Variants in FUT9 observed in about 807,000 individuals in gnomAD.
The protein encoded by FUT9 is fucosyltransferase 9.
In FUT9, 15 loss-of-function variants were observed where a neutral mutation model predicts 29.7. The observed-to-expected ratio is 0.51, with a 90% CI of 0.34 to 0.78. The LOEUF (loss-of-function observed/expected upper bound fraction) is 0.78. FUT9 is among the 30% of genes least tolerant of loss of function. The probability of loss-of-function intolerance (pLI) is 0.01; values close to 1 mark genes in which losing one functional copy is unlikely to be tolerated. For synonymous variants in FUT9, 169 were observed against 153.7 expected (o/e 1.10, Z -0.74); for missense variants, 319 against 425.4 (o/e 0.75, Z 2.20).
intron 1 of FUT9, among the ~76,000 whole-genome samples, chr6:96,073,679 G>A (rs1771099774): frequency 6.6e-6 from 1 of 152,096 alleles, no homozygotes; most frequent in African/African-American, 2.4e-5. Context: ...GAAGAATAGA[G>A]GCTTGAAAGG....
chr6:96,092,600 A>G (rs1019262914), intron 1 of FUT9, among the ~76,000 whole-genome samples: 4 of 152,098 alleles, frequency 2.6e-5, no homozygotes, highest in African/African-American at 7.2e-5. Flanking sequence ...ATACACTTGA[A>G]TGTGTCTTGT....
At chr6:96,029,837 T>C (rs1480786916) in intron 1 of FUT9, among the ~76,000 whole-genome samples, 1 of 151,358 alleles carries the variant, frequency 6.6e-6, no homozygotes, top group African/African-American at 2.4e-5. Flanking sequence ...TGGAGAATTA[T>C]GGCATAAAAA....
chr6:96,169,811 A>C (rs757777527), intron 2 of FUT9, among the ~76,000 whole-genome samples: 83 of 152,154 alleles, frequency 5.5e-4, no homozygotes, highest in Non-Finnish European at 9.7e-4. Flanking sequence ...ATTTAAAGAA[A>C]TAATTTTTCT....
intron 2 of FUT9, among the ~76,000 whole-genome samples, chr6:96,137,775 A>G (rs1772385664): frequency 6.6e-6 from 1 of 152,120 alleles, no homozygotes; most frequent in Admixed American, 6.6e-5. Context: ...ATATTGACTC[A>G]TTAGTTTTGA....
intron 1 of FUT9, among the ~76,000 whole-genome samples, chr6:96,052,449 A>G (rs1341055064): frequency 6.6e-6 from 1 of 152,186 alleles, no homozygotes; most frequent in Non-Finnish European, 1.5e-5. Flanking sequence ...CTTTCACCCC[A>G]TAGCTTCTTG....
intron 1 of FUT9, among the ~76,000 whole-genome samples, chr6:96,055,426 G>C (rs1770744921): frequency 6.7e-6 from 1 of 149,884 alleles, no homozygotes; most frequent in Admixed American, 6.6e-5. Context: ...AAACCATTAA[G>C]TTAATTTCAA....
intron 1 of FUT9, among the ~76,000 whole-genome samples, chr6:96,023,985 G>A (rs1770117852): frequency 6.6e-6 from 1 of 151,864 alleles, no homozygotes; most frequent in South Asian, 2.1e-4. Context: ...GCACTTAACT[G>A]ATGATGAAGT....
rs368330962 is a variant in FUT9, at chr6:96,210,714, A to G, written c.*6479A>G. 1.8e-5 allele frequency: 3 copies of G among 166,986 alleles called. No homozygotes were observed. In the East Asian group the frequency reaches 5.8e-4, roughly 32 times the overall value. 10.3% of individuals were successfully genotyped at this position (166,986 alleles called of 1,614,324 possible). Reference sequence around the variant, plus strand: ...ATATGCTTCTGTGATCTGCTTTTCTATTGTATGTGTTTAAGAGACCACATT... The same window carrying G: ...ATATGCTTCTGTGATCTGCTTTTCTGTTGTATGTGTTTAAGAGACCACATT... On this transcript the variant is annotated 3_prime_UTR_variant, in exon 3 of 3. Transcript: ENST00000302103.
intron 1 of FUT9, among the ~76,000 whole-genome samples, chr6:96,059,581 G>C (rs1770836567): frequency 6.6e-6 from 1 of 152,100 alleles, no homozygotes; most frequent in African/African-American, 2.4e-5. Context: ...ACAATCTTAA[G>C]GTTGGAGGAG....
chr6:96,184,126 GC>G (rs1265623491), intron 2 of FUT9, among the ~76,000 whole-genome samples: 2 of 151,870 alleles, frequency 1.3e-5, no homozygotes, highest in African/African-American at 4.8e-5. Context: ...CAATCTCACT[GC>G]TTGTTTTTGG....
chr6:96,038,982 G>C (rs541279461), intron 1 of FUT9, among the ~76,000 whole-genome samples: 5 of 152,002 alleles, frequency 3.3e-5, no homozygotes, highest in Non-Finnish European at 5.9e-5. Flanking sequence ...AACCAGCCTG[G>C]AATAATCAAG....
intron 1 of FUT9, among the ~76,000 whole-genome samples, chr6:96,102,976 C>T (rs942896943): frequency 9.2e-5 from 14 of 152,120 alleles, no homozygotes; most frequent in African/African-American, 3.4e-4. Context: ...GTGACTAAAG[C>T]AGACTGTACA....
At chr6:96,119,939 C>A (rs1771989724) in intron 2 of FUT9, among the ~76,000 whole-genome samples, 1 of 151,970 alleles carries the variant, frequency 6.6e-6, no homozygotes, top group African/African-American at 2.4e-5. Context: ...AAGATACACC[C>A]AATAGAGAAA....
At position 96,104,561 on chromosome 6, in the gene FUT9, C is replaced by T. The variant is rs537212573; in HGVS notation, c.-97-9478C>T. 3.9e-5 allele frequency among the ~76,000 whole-genome samples: 6 copies of T among 152,288 alleles called. No homozygotes were observed. The South Asian group carries it at 8.3e-4, about 21-fold the overall frequency. ...TGTTTGTTTGTTTGAGACGGAGTCTCGCCCTGTCGCCCAGGCTGGAGTGCA... is the reference window on the plus strand; with the variant it reads ...TGTTTGTTTGTTTGAGACGGAGTCTTGCCCTGTCGCCCAGGCTGGAGTGCA... On this transcript the variant is annotated intron_variant, in intron 1 of 2. Transcript: ENST00000302103.
chr6:96,110,745 T>A (rs1168123687), intron 1 of FUT9, among the ~76,000 whole-genome samples: 1 of 152,124 alleles, frequency 6.6e-6, no homozygotes, highest in Non-Finnish European at 1.5e-5. Context: ...AACCTCAAAC[T>A]CCTGGGCTCA....
chr6:96,120,591 CTTTTTTTTTTTTTTT>C (rs57515226), intron 2 of FUT9, among the ~76,000 whole-genome samples: 3 of 55,312 alleles, frequency 5.4e-5, no homozygotes, highest in African/African-American at 7.0e-5. Context: ...GCAAGACCAC[CTTTTTTTTTTTTTTT>C]TTTTTTTTTT....
chr6:96,053,888 T>C (rs995384862), intron 1 of FUT9, among the ~76,000 whole-genome samples: 1 of 152,150 alleles, frequency 6.6e-6, no homozygotes, highest in African/African-American at 2.4e-5. Flanking sequence ...TTTATAGTAT[T>C]AAATTTTTGG....
intron 1 of FUT9, among the ~76,000 whole-genome samples, chr6:96,016,752 G>T (rs76593596): frequency 0.068 from 10,377 of 152,126 alleles, 423 homozygotes; most frequent in Admixed American, 0.12. Context: ...TCTACACAAT[G>T]GTGCCTGTCC....
intron 1 of FUT9, among the ~76,000 whole-genome samples, chr6:96,035,838 A>C (rs57236508): frequency 2.3e-5 from 3 of 128,132 alleles, no homozygotes; most frequent in Non-Finnish European, 4.9e-5. Flanking sequence ...GTATTATATT[A>C]ATATAATATA....
Sources: gnomAD v4.1 joint callset for allele counts (sites outside exome capture counted in the v4.1 genomes callset) on GRCh38, gnomAD v4.1.1 for gene constraint, MANE v1.5 for transcripts, NCBI Gene and HGNC (gene_info 2026-07-23, HGNC 2026-07-21) for gene names.